Variants in KIF1C observed in about 807,000 individuals in gnomAD.
KIF1C encodes kinesin-like protein KIF1C.
A neutral mutation model predicts 126.5 loss-of-function variants in KIF1C; 61 were observed. That is an observed-to-expected ratio of 0.48 (90% CI 0.39 to 0.60). KIF1C has a LOEUF of 0.60. Among genes scored for constraint, KIF1C ranks in the 20% least tolerant of loss-of-function variants. The probability of loss-of-function intolerance (pLI) is 0.00; values close to 1 mark genes in which losing one functional copy is unlikely to be tolerated. For synonymous variants in KIF1C, 640 were observed against 580.6 expected (o/e 1.10, Z -1.47); for missense variants, 1,315 against 1,489.2 (o/e 0.88, Z 1.93).
chr17:5,024,282 A>G lies in KIF1C; in HGVS notation c.*131A>G. ...ATGAGAGAGAAGGTCCGAGTAGGTG[A>G]TAGAAGACAAGGGGGAGACCGAGCC... is the stretch of plus-strand genomic sequence containing the variant. On this transcript the variant is annotated 3_prime_UTR_variant, in exon 23 of 23. Transcript: ENST00000320785. 1 of 678,752 alleles carries G rather than the reference A, an allele frequency of 1.5e-6. No individual in the cohort carries two copies. The highest frequency in any genetic ancestry group is 3.0e-5 in the East Asian group (1 of 33,846). 42.0% of individuals were successfully genotyped at this position (678,752 alleles called of 1,614,324 possible).
Position 5,002,609 on chromosome 17 carries a change from T to G in KIF1C, c.575T>G (p.Ile192Ser). The change falls in exon 7 of 23, where the codon ATT becomes AGT. Residue 192 changes from isoleucine (I) to serine (S), a missense_variant. By Grantham distance (142) the Ile-to-Ser change is moderately radical (BLOSUM62 -2). Transcript: ENST00000320785. ...SKLAVTSYADIADLMDCGNKA... is the reference protein window; with the variant it reads ...SKLAVTSYADSADLMDCGNKA... ...TTGGCTGTGACCTCCTACGCAGACATTGCTGACCTCATGGACTGTGGAAAT... is the reference window on the plus strand; with the variant it reads ...TTGGCTGTGACCTCCTACGCAGACAGTGCTGACCTCATGGACTGTGGAAAT... 6.2e-7 allele frequency: 1 copy of G among 1,613,656 alleles called. No homozygotes were observed. The highest frequency in any genetic ancestry group is 8.5e-7 in the Non-Finnish European group (1 of 1,179,736).
chr17:5,007,120 G>A, intron 14 of KIF1C, 36 bp downstream of exon 14: 4 of 1,581,182 alleles, frequency 2.5e-6, no homozygotes, highest in Non-Finnish European at 3.4e-6. Flanking sequence ...TGGGGGTCTG[G>A]GCATTCCTGG....
Position 5,023,465 on chromosome 17 carries a change from C to A in KIF1C, c.2629-3C>A. ...TTCTCCTTTTCTCACTCCTCCCTCC[C>A]AGGATCATGAGGATGAGAATGAAGA... On this transcript the variant is annotated splice_region_variant and splice_polypyrimidine_tract_variant and intron_variant, in intron 22 of 22. Transcript: ENST00000320785. This position sits in a 1 kb window ranked among gnomAD's most constrained non-coding sequence, Gnocchi z 4.2. 1 of 1,613,254 alleles carries A rather than the reference C, an allele frequency of 6.2e-7. No homozygotes were observed. Among genetic ancestry groups the A allele is most frequent in the East Asian group, 2.2e-5 (1 of 44,872 alleles).
Position 5,022,178 on chromosome 17 carries a change from G to A in KIF1C, c.2097G>A (p.Leu699=), listed in dbSNP as rs550428806. 6.8e-6 allele frequency: 11 copies of A among 1,613,900 alleles called. No individual in the cohort carries two copies. The highest frequency in any genetic ancestry group is 9.3e-6 in the Non-Finnish European group (11 of 1,179,964). ...WRLISSLREQ[L]PPTTVQTIVK... ...TCATCTCCTCCTTGCGGGAGCAGCT[G>A]CCGCCCACCACGGTCCAGACCATTG... Residue 699 remains leucine, a synonymous_variant, in exon 22 of 23, where the codon CTG becomes CTA. Coordinates refer to ENST00000320785, the MANE Select transcript of KIF1C (RefSeq NM_006612.6). This position sits in a 1 kb window ranked among gnomAD's most constrained non-coding sequence, Gnocchi z 4.9.
At chr17:5,010,299 A>C (rs1974832859) in intron 16 of KIF1C, among the ~76,000 whole-genome samples, 1 of 150,802 alleles carries the variant, frequency 6.6e-6, no homozygotes, top group South Asian at 2.1e-4. Flanking sequence ...ATGTAGGATA[A>C]TGTATTTAAC....
intron 16 of KIF1C, among the ~76,000 whole-genome samples, chr17:5,007,885 G>A (rs1567723157): frequency 6.6e-6 from 1 of 152,304 alleles, no homozygotes; most frequent in East Asian, 1.9e-4. Flanking sequence ...AGGATAACTT[G>A]GGAAGACAAG....
intron 1 of KIF1C, among the ~76,000 whole-genome samples, chr17:4,999,568 C>T (rs1028740783): frequency 2.6e-5 from 4 of 152,058 alleles, no homozygotes; most frequent in South Asian, 2.1e-4. Flanking sequence ...TTCCCACCCC[C>T]CTCACGTCTC....
chr17:5,010,782 A>C (rs932933666), intron 16 of KIF1C, among the ~76,000 whole-genome samples: 3 of 151,932 alleles, frequency 2.0e-5, no homozygotes, highest in South Asian at 4.2e-4. Context: ...TATATTGCCA[A>C]AGTGCCCTCT....
Position 5,004,838 on chromosome 17 carries a change from G to C in KIF1C, c.1020-17G>C, listed in dbSNP as rs776141172. On this transcript the variant is annotated splice_polypyrimidine_tract_variant and intron_variant, in intron 12 of 22. Coordinates refer to ENST00000320785, the MANE Select transcript of KIF1C (RefSeq NM_006612.6). ...CCTGCCCCCAGGCCTCACCGACCCT[G>C]CTCCTCTGTCACCCAGGTATGCTGA... 4.3e-6 allele frequency: 7 copies of C among 1,614,022 alleles called. No individual in the cohort carries two copies. The Admixed American group carries it at 1.2e-4, about 27-fold the overall frequency.
rs1354733666 is a variant in KIF1C at position 5,020,779 on chromosome 17, C to T, written c.1938-27C>T. On this transcript the variant is annotated intron_variant, in intron 20 of 22. Coordinates refer to ENST00000320785, the MANE Select transcript of KIF1C (RefSeq NM_006612.6). This position sits in a 1 kb window ranked among gnomAD's most constrained non-coding sequence, Gnocchi z 5.8. The stretch of plus-strand genomic sequence containing the variant: ...TTGTCAGATACTCACCAAGGTTGCT[C>T]TTCCTTCCCTCCCTGTCCAATCCCA... 5 of 1,597,270 alleles carry T rather than the reference C, an allele frequency of 3.1e-6. No homozygotes were observed. The highest frequency in any genetic ancestry group is 8.5e-7 in the Non-Finnish European group (1 of 1,171,576).
rs1257640986 is a variant in KIF1C at position 5,024,216 on chromosome 17, C to T, written c.*65C>T. ...CTAGGAGAAGGGAAGACGCCCGAGA[C>T]GCTGCTTCCCCAGAAGTGCTGGGGC... is the stretch of plus-strand genomic sequence containing the variant. On this transcript the variant is annotated 3_prime_UTR_variant, in exon 23 of 23. Transcript: ENST00000320785. 4.5e-5 allele frequency: 53 copies of T among 1,179,960 alleles called. 1 individual carries two copies. The Middle Eastern group carries it at 9.5e-4, about 21-fold the overall frequency. 73.1% of individuals were successfully genotyped at this position (1,179,960 alleles called of 1,614,324 possible). A position where few individuals can be genotyped will look rare whatever the true frequency, so the allele number is the denominator to read the frequency against.
rs535655372 is a variant in KIF1C, at chr17:5,024,105, G to T, written c.3266G>T (p.Arg1089Leu). ...TACACTACTCCCCCACGAATGAGAC[G>T]GCAGCGTTCTGCCCCTGACCTCAAG... ...PPYTTPPRMR[R>L]QRSAPDLKES... The change falls in exon 23 of 23, where the codon CGG becomes CTG. Residue 1089 changes from arginine (R) to leucine (L), a missense_variant. Arg to Leu is a moderately radical substitution (Grantham distance 102, BLOSUM62 -2). Around this residue, in one of 2 missense-constraint regions of KIF1C, gnomAD observed 441 missense variants for 436.1 expected, o/e 1.01. Coordinates refer to ENST00000320785, the MANE Select transcript of KIF1C (RefSeq NM_006612.6). The T allele has an allele frequency of 1.2e-6, 2 of 1,610,116 alleles. No individual in the cohort carries two copies. Among genetic ancestry groups the T allele is most frequent in the Non-Finnish European group, 1.7e-6 (2 of 1,178,276 alleles).
intron 13 of KIF1C, 106 bp downstream of exon 13, chr17:5,005,106 G>A: frequency 5.0e-6 from 7 of 1,403,040 alleles, no homozygotes; most frequent in Non-Finnish European, 6.9e-6. Flanking sequence ...CACACACTAT[G>A]AAACCTTTCA....
At chr17:5,012,583 G>A (rs1336300070) in intron 16 of KIF1C, among the ~76,000 whole-genome samples, 2 of 152,068 alleles carry the variant, frequency 1.3e-5, no homozygotes, top group African/African-American at 4.8e-5. Context: ...GCGGGCCTGG[G>A]GTTCCAGCTG....
At chr17:5,008,050 G>C (rs1974775157) in intron 16 of KIF1C, among the ~76,000 whole-genome samples, 1 of 152,132 alleles carries the variant, frequency 6.6e-6, no homozygotes, top group Middle Eastern at 3.2e-3. Flanking sequence ...GAACCTGAAA[G>C]ATGGACAGGA....
rs1975127846 is a variant in KIF1C at position 5,023,093 on chromosome 17, C to T, written c.2629-375C>T. On this transcript the variant is annotated intron_variant, in intron 22 of 22. Transcript: ENST00000320785. This position sits in a 1 kb window ranked among gnomAD's most constrained non-coding sequence, Gnocchi z 4.2. ...GCAGTGGCACAATCTCGGCTCACTG[C>T]AACTTCCGCCTCCCAGGTTCAAGCC... Among the ~76,000 whole-genome samples, 1 of 152,220 alleles carries T rather than the reference C, an allele frequency of 6.6e-6. No homozygotes were observed. The highest frequency in any genetic ancestry group is 2.1e-4 in the South Asian group (1 of 4,836).
At chr17:5,000,403 C>T in intron 3 of KIF1C, 51 bp downstream of exon 3, 3 of 1,267,478 alleles carry the variant, frequency 2.4e-6, no homozygotes, top group Non-Finnish European at 3.4e-6. Flanking sequence ...AGGCCGGGCC[C>T]ACCACACAGG....
Position 5,022,614 on chromosome 17 carries a change from CAG to C in KIF1C, c.2534_2535del (p.Gln845ArgfsTer34), listed in dbSNP as rs1567728936. On this transcript the variant is annotated frameshift_variant, in exon 22 of 23. Coordinates refer to ENST00000320785, the MANE Select transcript of KIF1C (RefSeq NM_006612.6). LOFTEE classifies it high-confidence loss of function. This position sits in a 1 kb window ranked among gnomAD's most constrained non-coding sequence, Gnocchi z 4.9. ...CATCGACAAGCTGACGGGGATTCTGCAGGAGGTGAAGCTGCAGAACAGCAGCA... is the reference window on the plus strand; with the variant it reads ...CATCGACAAGCTGACGGGGATTCTGCGAGGTGAAGCTGCAGAACAGCAGCA... ...AHIDKLTGIL[Q>X]EVKLQNSSKD... 1.2e-6 allele frequency: 2 copies of C among 1,607,072 alleles called. No homozygotes were observed. Among genetic ancestry groups the C allele is most frequent in the Non-Finnish European group, 1.7e-6 (2 of 1,176,370 alleles).
intron 21 of KIF1C, among the ~76,000 whole-genome samples, chr17:5,021,514 C>A (rs1028633800): frequency 2.0e-5 from 3 of 151,794 alleles, no homozygotes; most frequent in Non-Finnish European, 2.9e-5. Context: ...GGATCTTGCT[C>A]TGTCACCCTG....
Sources: gnomAD v4.1 joint callset for allele counts (sites outside exome capture counted in the v4.1 genomes callset) on GRCh38, gnomAD v4.1.1 for gene constraint, gnomAD v4.1.1 regional missense constraint, Gnocchi (gnomAD v3.1) non-coding constraint, MANE v1.5 for transcripts, NCBI Gene and HGNC (gene_info 2026-07-23, HGNC 2026-07-21) for gene names.